PIK3C2G: variants seen among roughly 807,000 people sequenced by gnomAD.
PIK3C2G encodes phosphatidylinositol 3-kinase C2 domain-containing subunit gamma.
Under a neutral mutation model 181.1 loss-of-function variants are expected in PIK3C2G, and 168 were observed. The ratio of observed to expected loss-of-function variants is 0.93; its 90% CI spans 0.82 to 1.05. The LOEUF (loss-of-function observed/expected upper bound fraction) is 1.05, where lower values mean the gene tolerates loss of function less well. Ranked by LOEUF, PIK3C2G falls within the 50% of genes least tolerant of loss-of-function variation. PIK3C2G has a pLI of 0.00. For missense variants in PIK3C2G, 1,869 were observed against 1,732.8 expected (o/e 1.08, Z -1.40); for synonymous variants, 573 against 592.2 (o/e 0.97, Z 0.47).
chr12:18,436,509 A>G (rs1014369989), intron 18 of PIK3C2G, among the ~76,000 whole-genome samples: 1 of 152,008 alleles, frequency 6.6e-6, no homozygotes, highest in African/African-American at 2.4e-5. Flanking sequence ...GACAAACCCT[A>G]TGTTTCTCTT....
chr12:18,505,556 C>T, intron 24 of PIK3C2G, 95 bp downstream of exon 24: 1 of 775,334 alleles, frequency 1.3e-6, no homozygotes, highest in Non-Finnish European at 1.9e-6. Flanking sequence ...TGACTTGCTC[C>T]CATCTCTCAA....
chr12:18,279,631 T>C (rs1001582851), intron 1 of PIK3C2G, among the ~76,000 whole-genome samples: 5 of 152,022 alleles, frequency 3.3e-5, no homozygotes, highest in Non-Finnish European at 5.9e-5. Context: ...TCACACCTGC[T>C]GACAAATTCT....
At chr12:18,469,436 A>G (rs976178031) in intron 18 of PIK3C2G, among the ~76,000 whole-genome samples, 1 of 152,154 alleles carries the variant, frequency 6.6e-6, no homozygotes, top group African/African-American at 2.4e-5. Context: ...AATTAATGGC[A>G]GTAAAATTGC....
At chr12:18,467,548 A>T (rs574010141) in intron 18 of PIK3C2G, among the ~76,000 whole-genome samples, 1 of 152,002 alleles carries the variant, frequency 6.6e-6, no homozygotes, top group Admixed American at 6.6e-5. Flanking sequence ...TCAAGAACCA[A>T]TGTAAGACAA....
chr12:18,446,838 C>G (rs1947057769), intron 18 of PIK3C2G, among the ~76,000 whole-genome samples: 1 of 152,098 alleles, frequency 6.6e-6, no homozygotes, highest in East Asian at 1.9e-4. Context: ...TGTATATATA[C>G]AGTCTACTGG....
intron 8 of PIK3C2G, among the ~76,000 whole-genome samples, chr12:18,329,365 A>T (rs1219446685): frequency 6.6e-6 from 1 of 151,880 alleles, no homozygotes; most frequent in African/African-American, 2.4e-5. Flanking sequence ...GGTATCACAC[A>T]CCTGTTTGCC....
chr12:18,372,798 T>G (rs1352750518), intron 13 of PIK3C2G: 1 of 152,210 alleles, frequency 6.6e-6, no homozygotes, highest in African/African-American at 2.4e-5. Flanking sequence ...GTTACGATAG[T>G]AAAAATACCA....
intron 18 of PIK3C2G, among the ~76,000 whole-genome samples, chr12:18,480,693 C>T (rs1021072813): frequency 6.6e-6 from 1 of 152,130 alleles, no homozygotes; most frequent in Non-Finnish European, 1.5e-5. Flanking sequence ...AACCGAATGA[C>T]CTGAAAGTGA....
At chr12:18,298,063 C>A (rs1295148791) in intron 5 of PIK3C2G, among the ~76,000 whole-genome samples, 1 of 151,836 alleles carries the variant, frequency 6.6e-6, no homozygotes, top group Non-Finnish European at 1.5e-5. Context: ...TCCTGAATTG[C>A]ATGGTAGTTC....
intron 14 of PIK3C2G, among the ~76,000 whole-genome samples, chr12:18,389,091 G>C (rs1943368559): frequency 6.6e-6 from 1 of 152,108 alleles, no homozygotes; most frequent in African/African-American, 2.4e-5. Context: ...GGTGGCTCAC[G>C]CCTGTAATCC....
the PIK3C2G span, chr12:18,723,458 T>C: frequency 1.9e-6 from 3 of 1,613,120 alleles, no homozygotes; most frequent in Non-Finnish European, 2.5e-6. Flanking sequence ...AAAATCTCAA[T>C]AATTTCTTCT....
At chr12:18,436,814 T>G (rs960623670) in intron 18 of PIK3C2G, among the ~76,000 whole-genome samples, 9 of 152,042 alleles carry the variant, frequency 5.9e-5, no homozygotes, top group Admixed American at 1.3e-4. Context: ...AATAAGGGTT[T>G]TTGAAACAGT....
the PIK3C2G span, among the ~76,000 whole-genome samples, chr12:18,676,435 T>A: frequency 6.6e-6 from 1 of 152,140 alleles, no homozygotes; most frequent in Non-Finnish European, 1.5e-5. Flanking sequence ...ATTGACCCCT[T>A]GCTTCTTCAG....
intron 14 of PIK3C2G, among the ~76,000 whole-genome samples, chr12:18,387,093 T>C (rs890712379): frequency 6.6e-6 from 1 of 152,196 alleles, no homozygotes; most frequent in Non-Finnish European, 1.5e-5. Context: ...ATGCCCCACA[T>C]ACACCTACCT....
intron 31 of PIK3C2G, among the ~76,000 whole-genome samples, chr12:18,622,469 T>C (rs1209420227): frequency 6.6e-6 from 1 of 151,956 alleles, no homozygotes; most frequent in African/African-American, 2.4e-5. Flanking sequence ...GATGGACACT[T>C]GGGTTGATTT....
At chr12:18,283,752 C>A (rs542208999) in intron 2 of PIK3C2G, among the ~76,000 whole-genome samples, 1 of 152,068 alleles carries the variant, frequency 6.6e-6, no homozygotes, top group Non-Finnish European at 1.5e-5. Context: ...AATCTTAGGG[C>A]TGTCTAGTTC....
chr12:18,393,314 T>G (rs1390804283), intron 15 of PIK3C2G, among the ~76,000 whole-genome samples: 1 of 152,102 alleles, frequency 6.6e-6, no homozygotes, highest in African/African-American at 2.4e-5. Context: ...TGCAGTTTTA[T>G]TCTGGACTGT....
In PIK3C2G at chr12:18,582,006, C is replaced by T. The variant is rs80036200; in HGVS notation, c.4012-12488C>T. 5.8e-3 allele frequency among the ~76,000 whole-genome samples: 888 copies of T among 152,164 alleles called. 2 individuals are homozygous for T. The highest frequency in any genetic ancestry group is 0.01 in the Middle Eastern group (3 of 294). The stretch of plus-strand genomic sequence containing the variant: ...TCAAAGAAGAAGGGATAATGAGCTG[C>T]GTCAAATGCTACTGATGGTCAAAAA... On this transcript the variant is annotated intron_variant, in intron 29 of 32. Coordinates refer to ENST00000538779, the MANE Select transcript of PIK3C2G (RefSeq NM_001288772.2).
chr12:18,682,274 C>G, the PIK3C2G span, among the ~76,000 whole-genome samples: 1 of 152,092 alleles, frequency 6.6e-6, no homozygotes, highest in African/African-American at 2.4e-5. Flanking sequence ...GTTATATTTT[C>G]TGGTCATAAA....
Sources: gnomAD v4.1 joint callset for allele counts (sites outside exome capture counted in the v4.1 genomes callset) on GRCh38, gnomAD v4.1.1 for gene constraint, MANE v1.5 for transcripts, NCBI Gene and HGNC (gene_info 2026-07-23, HGNC 2026-07-21) for gene names.